Variants in CNTN5 observed in about 807,000 individuals in gnomAD.
CNTN5 encodes the protein contactin-5.
A neutral mutation model predicts 129.1 loss-of-function variants in CNTN5; 77 were observed. The observed-to-expected ratio is 0.60, with a 90% confidence interval of 0.50 to 0.72. The LOEUF is 0.72. Among genes scored for constraint, CNTN5 ranks in the 30% least tolerant of loss-of-function variants. The pLI, the probability that CNTN5 is intolerant of heterozygous loss-of-function variation, is 0.00. For missense variants in CNTN5, 1,478 were observed against 1,328.8 expected, an observed-to-expected ratio of 1.11 and a Z score of -1.75; for synonymous variants, 509 against 465.6, an observed-to-expected ratio of 1.09 and a Z score of -1.20.
chr11:99,571,522 G>A (rs1949173740), intron 3 of CNTN5, among the ~76,000 whole-genome samples: 1 of 152,152 alleles, frequency 6.6e-6, no homozygotes, highest in Non-Finnish European at 1.5e-5. Flanking sequence ...GAATTGAAAT[G>A]GAATGACTAG....
intron 13 of CNTN5, among the ~76,000 whole-genome samples, chr11:100,163,104 T>C (rs1168492404): frequency 4.0e-5 from 6 of 151,722 alleles, no homozygotes; most frequent in Non-Finnish European, 5.9e-5. Context: ...TCTTTCAAAA[T>C]CTCTGTACTA....
At chr11:100,310,081 C>T (rs1032377024) in intron 21 of CNTN5, among the ~76,000 whole-genome samples, 2 of 151,866 alleles carry the variant, frequency 1.3e-5, no homozygotes, top group African/African-American at 4.8e-5. Flanking sequence ...CCTTTTTAAA[C>T]CTGTAAGCAT....
At chr11:99,185,538 A>G (rs1374227356) in intron 1 of CNTN5, among the ~76,000 whole-genome samples, 1 of 151,924 alleles carries the variant, frequency 6.6e-6, no homozygotes, top group African/African-American at 2.4e-5. Context: ...GTACAAAACA[A>G]TATACAGTGA....
chr11:99,210,391 A>G (rs2135666520), intron 1 of CNTN5, among the ~76,000 whole-genome samples: 1 of 152,208 alleles, frequency 6.6e-6, no homozygotes, highest in South Asian at 2.1e-4. Context: ...TTAGTTGGGG[A>G]AAGAAAATGT....
intron 1 of CNTN5, among the ~76,000 whole-genome samples, chr11:99,177,177 C>T (rs1210784323): frequency 1.3e-5 from 2 of 152,130 alleles, no homozygotes; most frequent in African/African-American, 4.8e-5. Context: ...TCAGTGAGAG[C>T]TTAAGATCCT....
chr11:99,584,400 G>A (rs972592912), intron 3 of CNTN5, among the ~76,000 whole-genome samples: 13 of 152,152 alleles, frequency 8.5e-5, no homozygotes, highest in African/African-American at 3.1e-4. Flanking sequence ...GGACCTTGGA[G>A]ATGCTCCAGA....
At position 99,188,515 on chromosome 11, in the gene CNTN5, G is replaced by A. The variant is rs151001743; in HGVS notation, c.-209-136831G>A. ...AGAAACAGAGAAATTCTCCAAGAGT[G>A]AGATTGAGCAACTTTCATGTTTACA... is the stretch of plus-strand genomic sequence containing the variant. On this transcript the variant is annotated intron_variant, in intron 1 of 24. Transcript: ENST00000524871. Among the ~76,000 whole-genome samples, 486 of 151,886 alleles carry A rather than the reference G, an allele frequency of 3.2e-3. 1 individual carries two copies. The highest frequency in any genetic ancestry group is 0.011 in the African/African-American group (466 of 41,522).
intron 8 of CNTN5, among the ~76,000 whole-genome samples, chr11:99,973,236 C>G (rs999750257): frequency 2.0e-5 from 3 of 152,126 alleles, no homozygotes; most frequent in Admixed American, 6.6e-5. Flanking sequence ...GACATTTTAT[C>G]TCAATTAGTA....
chr11:99,832,698 A>T (rs950588619), intron 4 of CNTN5, among the ~76,000 whole-genome samples: 5 of 152,194 alleles, frequency 3.3e-5, no homozygotes, highest in African/African-American at 1.2e-4. Context: ...GTCATCATAA[A>T]ATATAATTTC....
chr11:99,131,878 G>A (rs996571732), intron 1 of CNTN5, among the ~76,000 whole-genome samples: 5 of 152,158 alleles, frequency 3.3e-5, no homozygotes, highest in African/African-American at 1.2e-4. Flanking sequence ...GAACAGGAGA[G>A]ACTACTCCCT....
chr11:99,841,883 TAC>T (rs201620119), intron 4 of CNTN5, among the ~76,000 whole-genome samples: 80,607 of 129,070 alleles, frequency 0.62, 23,499 homozygotes, highest in Middle Eastern at 0.78. Flanking sequence ...CACATACATA[TAC>T]ATATATATAT....
At chr11:100,344,604 A>G (rs1433337508) in intron 23 of CNTN5, among the ~76,000 whole-genome samples, 1 of 152,118 alleles carries the variant, frequency 6.6e-6, no homozygotes, top group East Asian at 1.9e-4. Flanking sequence ...ATAGTTAATA[A>G]TCTATTGTAC....
Position 99,038,876 on chromosome 11 carries a change from C to T in CNTN5, c.-210+17606C>T, listed in dbSNP as rs549259258. On this transcript the variant is annotated intron_variant, in intron 1 of 24. Transcript: ENST00000524871. ...ATTATACATTATATTTGGACTTCAC[C>T]ACTGAACCAAAGCACAAGTAGCTCT... 2.0e-4 allele frequency among the ~76,000 whole-genome samples: 31 copies of T among 151,798 alleles called. No individual in the cohort carries two copies. In the South Asian group the frequency reaches 4.6e-3, roughly 22 times the overall value.
chr11:99,923,432 A>G (rs1464367532), intron 7 of CNTN5, among the ~76,000 whole-genome samples: 2 of 152,212 alleles, frequency 1.3e-5, no homozygotes, highest in Non-Finnish European at 2.9e-5. Context: ...CTATAAACCT[A>G]TATAAAGTTA....
At chr11:99,292,145 G>C (rs1324156480) in intron 1 of CNTN5, among the ~76,000 whole-genome samples, 1 of 151,284 alleles carries the variant, frequency 6.6e-6, no homozygotes. Flanking sequence ...CTTTCATTCT[G>C]GCAAAAATAA....
chr11:100,127,651 C>G (rs201021199), intron 13 of CNTN5, among the ~76,000 whole-genome samples: 1 of 81,280 alleles, frequency 1.2e-5, no homozygotes, highest in Non-Finnish European at 2.2e-5. Context: ...TTCTTTCTTT[C>G]TTTTTTTTTT....
intron 2 of CNTN5, among the ~76,000 whole-genome samples, chr11:99,435,491 C>A (rs930873027): frequency 6.6e-6 from 1 of 152,158 alleles, no homozygotes; most frequent in African/African-American, 2.4e-5. Flanking sequence ...TACTCCCTCT[C>A]TGCTGTAGAC....
intron 15 of CNTN5, among the ~76,000 whole-genome samples, chr11:100,215,141 A>G (rs1046446287): frequency 2.0e-5 from 3 of 152,134 alleles, no homozygotes; most frequent in African/African-American, 7.2e-5. Flanking sequence ...TTATCTATGT[A>G]ATCTCCCACC....
intron 18 of CNTN5, among the ~76,000 whole-genome samples, chr11:100,272,471 A>C (rs1480090084): frequency 6.6e-6 from 1 of 152,054 alleles, no homozygotes; most frequent in Non-Finnish European, 1.5e-5. Context: ...TCTCTAAAAC[A>C]TATTATGGCC....
Sources: allele counts gnomAD v4.1 joint callset (sites outside exome capture counted in the v4.1 genomes callset), GRCh38; gene constraint gnomAD v4.1.1; transcripts MANE v1.5; gene names NCBI Gene and HGNC (gene_info 2026-07-23, HGNC 2026-07-21).